LRRTM4: variants seen among roughly 807,000 people sequenced by gnomAD.
LRRTM4 encodes the protein leucine-rich repeat transmembrane neuronal protein 4.
Under a neutral mutation model 47.6 loss-of-function variants are expected in LRRTM4, and 25 were observed. The observed-to-expected ratio is 0.53, with a 90% CI of 0.38 to 0.73. The LOEUF is 0.73. Among genes scored for constraint, LRRTM4 ranks in the 30% least tolerant of loss-of-function variants. The pLI is 0.00. For synonymous variants in LRRTM4, 311 were observed against 269.5 expected (o/e 1.15, Z -1.51); for missense variants, 638 against 713.4 (o/e 0.89, Z 1.20).
intron 3 of LRRTM4, among the ~76,000 whole-genome samples, chr2:76,922,292 G>A (rs1330880885): frequency 6.6e-6 from 1 of 152,038 alleles, no homozygotes; most frequent in African/African-American, 2.4e-5. Flanking sequence ...AAGCATTACT[G>A]AGAGTCCTCA....
chr2:76,977,218 T>A (rs77957019), intron 3 of LRRTM4, among the ~76,000 whole-genome samples: 4 of 151,606 alleles, frequency 2.6e-5, no homozygotes, highest in Admixed American at 6.6e-5. Flanking sequence ...CAACCATCCT[T>A]TTTTACAAGA....
At chr2:76,781,510 C>T (rs1434307942) in intron 3 of LRRTM4, among the ~76,000 whole-genome samples, 2 of 152,328 alleles carry the variant, frequency 1.3e-5, no homozygotes, top group East Asian at 1.9e-4. Context: ...GGGAGTGACC[C>T]GATTTTCCAG....
chr2:77,416,724 T>C (rs772020204), intron 3 of LRRTM4, among the ~76,000 whole-genome samples: 41 of 141,116 alleles, frequency 2.9e-4, no homozygotes, highest in Admixed American at 4.1e-4. Flanking sequence ...AAAGGCTTCT[T>C]TCTTACAGAA....
At chr2:76,792,223 T>A (rs1675011890) in intron 3 of LRRTM4, among the ~76,000 whole-genome samples, 2 of 152,022 alleles carry the variant, frequency 1.3e-5, no homozygotes, top group Admixed American at 1.3e-4. Context: ...TTTCAGAATT[T>A]AAAAAATGTT....
At chr2:77,020,703 A>G (rs1678236111) in intron 3 of LRRTM4, among the ~76,000 whole-genome samples, 1 of 152,122 alleles carries the variant, frequency 6.6e-6, no homozygotes, top group Non-Finnish European at 1.5e-5. Flanking sequence ...GCAGCCTGAG[A>G]AGGTCAAGTA....
intron 3 of LRRTM4, among the ~76,000 whole-genome samples, chr2:76,927,837 G>C (rs1674638517): frequency 6.6e-6 from 1 of 152,106 alleles, no homozygotes; most frequent in African/African-American, 2.4e-5. Context: ...AGACAATGCA[G>C]TTAAGCAGGT....
At chr2:77,269,196 T>G (rs1676128728) in intron 3 of LRRTM4, among the ~76,000 whole-genome samples, 1 of 152,154 alleles carries the variant, frequency 6.6e-6, no homozygotes, top group Non-Finnish European at 1.5e-5. Flanking sequence ...TATTTATTTG[T>G]GCATTTTCTT....
intron 3 of LRRTM4, chr2:76,987,270 AG>A (rs1676834375): frequency 6.6e-6 from 1 of 151,908 alleles, no homozygotes; most frequent in Non-Finnish European, 1.5e-5. Flanking sequence ...ATAACATGCA[AG>A]GAAAGTACCC....
intron 3 of LRRTM4, among the ~76,000 whole-genome samples, chr2:76,764,743 G>T (rs2104093071): frequency 6.6e-6 from 1 of 152,302 alleles, no homozygotes; most frequent in South Asian, 2.1e-4. Flanking sequence ...GAACTTCTTG[G>T]ATCCCACCAG....
At chr2:76,860,505 T>A (rs1285513456) in intron 3 of LRRTM4, among the ~76,000 whole-genome samples, 1 of 152,092 alleles carries the variant, frequency 6.6e-6, no homozygotes, top group Non-Finnish European at 1.5e-5. Flanking sequence ...CCACCCCTTG[T>A]GCCATAGGTT....
intron 3 of LRRTM4, among the ~76,000 whole-genome samples, chr2:77,475,847 A>C (rs1271786415): frequency 1.3e-5 from 2 of 151,766 alleles, no homozygotes; most frequent in South Asian, 2.1e-4. Flanking sequence ...ATATATTGTC[A>C]ATTTATATTT....
At chr2:76,943,188 ACT>A (rs1675209514) in intron 3 of LRRTM4, among the ~76,000 whole-genome samples, 1 of 152,126 alleles carries the variant, frequency 6.6e-6, no homozygotes, top group South Asian at 2.1e-4. Flanking sequence ...ATTCCGATTT[ACT>A]CTTTCTGTGA....
At chr2:77,360,989 G>A (rs1214412974) in intron 3 of LRRTM4, among the ~76,000 whole-genome samples, 2 of 151,798 alleles carry the variant, frequency 1.3e-5, no homozygotes, top group Non-Finnish European at 2.9e-5. Context: ...TCAAACCACT[G>A]TGCCTCTCTG....
chr2:77,041,290 A>G, intron 3 of LRRTM4, among the ~76,000 whole-genome samples: 1 of 151,554 alleles, frequency 6.6e-6, no homozygotes, highest in Non-Finnish European at 1.5e-5. Context: ...TTTATTGTGT[A>G]TATATACCAC....
intron 3 of LRRTM4, among the ~76,000 whole-genome samples, chr2:77,045,480 G>A (rs189324286): frequency 1.6e-3 from 237 of 151,914 alleles, no homozygotes; most frequent in African/African-American, 5.0e-3. Flanking sequence ...GCTTTAATTC[G>A]GTTAGGCTGT....
chr2:77,020,109 CTGTA>C (rs1406369685), intron 3 of LRRTM4, among the ~76,000 whole-genome samples: 2 of 151,796 alleles, frequency 1.3e-5, no homozygotes, highest in African/African-American at 2.4e-5. Flanking sequence ...CTTCTTTTTG[CTGTA>C]TGTAACAAGG....
intron 3 of LRRTM4, among the ~76,000 whole-genome samples, chr2:77,429,147 G>A (rs571380308): frequency 1.3e-5 from 2 of 152,230 alleles, no homozygotes; most frequent in East Asian, 1.9e-4. Flanking sequence ...AAGAACTCAC[G>A]GAGCTGTGTA....
At chr2:76,933,089 A>C (rs1410184650) in intron 3 of LRRTM4, among the ~76,000 whole-genome samples, 1 of 152,162 alleles carries the variant, frequency 6.6e-6, no homozygotes, top group Non-Finnish European at 1.5e-5. Context: ...ATTAAGATAG[A>C]TAATATTGAA....
intron 3 of LRRTM4, among the ~76,000 whole-genome samples, chr2:77,210,995 C>T (rs530368188): frequency 2.6e-5 from 4 of 152,048 alleles, no homozygotes; most frequent in Admixed American, 1.3e-4. Context: ...AGTCACTGTA[C>T]GCTAATGACT....
Sources: allele counts gnomAD v4.1 joint callset (sites outside exome capture counted in the v4.1 genomes callset), GRCh38; gene constraint gnomAD v4.1.1; transcripts MANE v1.5; gene names NCBI Gene and HGNC (gene_info 2026-07-23, HGNC 2026-07-21).